The following TIAM1 variants were observed in gnomAD, a reference collection of about 807,000 sequenced individuals.
TIAM1 encodes TIAM Rac1 associated GEF 1, also known as rho guanine nucleotide exchange factor TIAM1.
TIAM1 carries 65 observed loss-of-function variants against 163.5 expected under a neutral mutation model. The observed-to-expected ratio is 0.40, with a 90% CI of 0.33 to 0.49. The LOEUF (loss-of-function observed/expected upper bound fraction) is 0.49, where lower values mean the gene tolerates loss of function less well. TIAM1 is among the 20% of genes least tolerant of loss of function. TIAM1 has a pLI of 0.77. For synonymous variants in TIAM1, 833 were observed against 810.1 expected, an observed-to-expected ratio of 1.03 and a Z score of -0.48; for missense variants, 1,789 against 2,044.7, an observed-to-expected ratio of 0.87 and a Z score of 2.41.
chr21:31,137,688 A>G (rs983131740), intron 22 of TIAM1, among the ~76,000 whole-genome samples: 1 of 151,674 alleles, frequency 6.6e-6, no homozygotes, highest in Non-Finnish European at 1.5e-5. Flanking sequence ...GGGTACACAC[A>G]TCGCCGCCCG....
chr21:31,473,850 G>C (rs1478280841), intron 1 of TIAM1, among the ~76,000 whole-genome samples: 1 of 152,122 alleles, frequency 6.6e-6, no homozygotes, highest in Non-Finnish European at 1.5e-5. Context: ...CTGCACTGGA[G>C]ACTTGCAGAA....
chr21:31,450,420 G>A (rs147500385), intron 2 of TIAM1, among the ~76,000 whole-genome samples: 1 of 152,204 alleles, frequency 6.6e-6, no homozygotes, highest in East Asian at 1.9e-4. Context: ...TTGCCCCTGG[G>A]CACCCTGCCT....
intron 10 of TIAM1, among the ~76,000 whole-genome samples, chr21:31,211,582 G>A (rs2086888849): frequency 6.6e-6 from 1 of 152,138 alleles, no homozygotes; most frequent in Non-Finnish European, 1.5e-5. Flanking sequence ...TCCAAGAATG[G>A]GGGAAACGTT....
chr21:31,204,453 A>C (rs1942443894), intron 11 of TIAM1, among the ~76,000 whole-genome samples: 1 of 152,056 alleles, frequency 6.6e-6, no homozygotes, highest in African/African-American at 2.4e-5. Flanking sequence ...TCTGCAGGTG[A>C]GAATTATTTC....
At chr21:31,358,320 T>C (rs2076349311) in intron 2 of TIAM1, among the ~76,000 whole-genome samples, 2 of 152,190 alleles carry the variant, frequency 1.3e-5, no homozygotes, top group Non-Finnish European at 2.9e-5. Flanking sequence ...CTCTTTCTTT[T>C]GCAGTTCATC....
intron 1 of TIAM1, among the ~76,000 whole-genome samples, chr21:31,524,450 C>T (rs1007056789): frequency 1.3e-5 from 2 of 152,258 alleles, no homozygotes; most frequent in Middle Eastern, 3.4e-3. Context: ...CCTCCAACAC[C>T]GGGAGTTAAT....
chr21:31,551,960 C>T (rs943279345), intron 1 of TIAM1, among the ~76,000 whole-genome samples: 11 of 151,538 alleles, frequency 7.3e-5, no homozygotes, highest in South Asian at 4.2e-4. Flanking sequence ...AAAACAGGAC[C>T]GGGGCAGAAG....
chr21:31,466,666 C>T (rs1214689728), intron 1 of TIAM1, among the ~76,000 whole-genome samples: 2 of 152,300 alleles, frequency 1.3e-5, no homozygotes, highest in Non-Finnish European at 2.9e-5. Flanking sequence ...AGAATCCAGA[C>T]GTCCTGGCCC....
chr21:31,255,616 T>C (rs953939527), intron 4 of TIAM1, among the ~76,000 whole-genome samples: 3 of 152,176 alleles, frequency 2.0e-5, no homozygotes, highest in African/African-American at 7.2e-5. Flanking sequence ...CACCACGGAA[T>C]AGTCCCAGGG....
intron 1 of TIAM1, among the ~76,000 whole-genome samples, chr21:31,477,062 C>CTT (rs145663600): frequency 0.019 from 2,844 of 152,234 alleles, 79 homozygotes; most frequent in African/African-American, 0.064. Context: ...CATGTCCTTT[C>CTT]TTAATGTAGA....
chr21:31,281,395 C>T (rs928872999), intron 2 of TIAM1, among the ~76,000 whole-genome samples: 1 of 152,148 alleles, frequency 6.6e-6, no homozygotes, highest in African/African-American at 2.4e-5. Context: ...ACATGTAACA[C>T]TATAAACTAT....
intron 12 of TIAM1, 66 bp from the exon 13 acceptor site, chr21:31,195,371 T>G: frequency 8.6e-7 from 1 of 1,166,022 alleles, no homozygotes; most frequent in Non-Finnish European, 1.2e-6. Context: ...ATGGTCATCA[T>G]TTCATAAATC....
chr21:31,296,538 AG>A (rs200660637), intron 2 of TIAM1, among the ~76,000 whole-genome samples: 2 of 152,326 alleles, frequency 1.3e-5, no homozygotes, highest in East Asian at 3.9e-4. Context: ...CAAGAGAAAA[AG>A]ATAATACTTA....
intron 25 of TIAM1, among the ~76,000 whole-genome samples, chr21:31,129,704 T>C (rs561770825): frequency 6.6e-6 from 1 of 152,228 alleles, no homozygotes; most frequent in Non-Finnish European, 1.5e-5. Context: ...AGAATCAACA[T>C]TTTAAAAGCC....
intron 2 of TIAM1, among the ~76,000 whole-genome samples, chr21:31,412,784 T>TAAAA (rs77221722): frequency 1.1e-4 from 11 of 103,520 alleles, no homozygotes; most frequent in African/African-American, 3.4e-4. Context: ...TGTCTCAGGT[T>TAAAA]AAAAAAAAAA....
At chr21:31,423,779 C>T (rs1054823965) in intron 2 of TIAM1, among the ~76,000 whole-genome samples, 2 of 118,722 alleles carry the variant, frequency 1.7e-5, no homozygotes, top group Admixed American at 1.1e-4. Context: ...AAAGACCACA[C>T]ATTTTATGAT....
intron 1 of TIAM1, among the ~76,000 whole-genome samples, chr21:31,525,624 G>A (rs2047753457): frequency 6.6e-6 from 1 of 152,162 alleles, no homozygotes; most frequent in Admixed American, 6.5e-5. Context: ...AAGTCACACT[G>A]CTAGCAGGGC....
chr21:31,241,375 T>A (rs1335480362), intron 6 of TIAM1, among the ~76,000 whole-genome samples: 2 of 152,234 alleles, frequency 1.3e-5, no homozygotes, highest in East Asian at 3.9e-4. Flanking sequence ...GTTGCCTGAG[T>A]GTTGATCATG....
At chr21:31,253,488 A>C (rs935112332) in intron 4 of TIAM1, among the ~76,000 whole-genome samples, 1 of 152,202 alleles carries the variant, frequency 6.6e-6, no homozygotes, top group Non-Finnish European at 1.5e-5. Context: ...CACTGTGCCC[A>C]TATCTCCACG....
Sources: gnomAD v4.1 joint callset for allele counts (sites outside exome capture counted in the v4.1 genomes callset) on GRCh38, gnomAD v4.1.1 for gene constraint, MANE v1.5 for transcripts, NCBI Gene and HGNC (gene_info 2026-07-23, HGNC 2026-07-21) for gene names.